The following GOLGA6D variants were observed in gnomAD, a reference collection of about 807,000 sequenced individuals.
GOLGA6D encodes golgin A6 family member D.
In GOLGA6D, 9 loss-of-function variants were observed where a neutral mutation model predicts 42.1. That is an observed-to-expected ratio of 0.21 (90% confidence interval 0.13 to 0.37). The LOEUF is 0.37. Ranked by LOEUF, GOLGA6D falls within the 10% of genes least tolerant of loss-of-function variation. The pLI is 1.00. For missense variants in GOLGA6D, 87 were observed against 420.8 expected (o/e 0.21, Z 6.94); for synonymous variants, 39 against 167.3 (o/e 0.23, Z 5.92).
chr15:75,277,715 G>A, the GOLGA6D span, among the ~76,000 whole-genome samples: 11 of 141,734 alleles, frequency 7.8e-5, no homozygotes, highest in South Asian at 4.5e-4. Context: ...CCAGCTACTC[G>A]GGAGGCTGAG....
At position 75,289,357 on chromosome 15, in the gene GOLGA6D, G is replaced by A. The variant is rs778783680; in HGVS notation, c.565-40G>A. 37 of 1,546,216 alleles carry A rather than the reference G, an allele frequency of 2.4e-5. 8 individuals carry two copies. The highest frequency in any genetic ancestry group is 2.2e-4 in the South Asian group (19 of 88,370). ...CTAGCCCTTTTAAGGGGCACTGCCC[G>A]AGCTCCCCAGATCAAAACTTCTCAC... On this transcript the variant is annotated intron_variant, in intron 7 of 17. Transcript: ENST00000434739.
chr15:75,283,093 TC>T (rs2070847691), intron 1 of GOLGA6D, 134 bp downstream of exon 1: 3 of 24,214 alleles, frequency 1.2e-4, no homozygotes, highest in East Asian at 5.9e-4. Flanking sequence ...GCCTCTGGAC[TC>T]CCCCCACCAA....
rs2070872761 is a variant in GOLGA6D, at chr15:75,289,599, A to G, written c.659A>G (p.Glu220Gly). 1 of 714,034 alleles carries G rather than the reference A, an allele frequency of 1.4e-6. No homozygotes were observed. Among genetic ancestry groups the G allele is most frequent in the Non-Finnish European group, 2.3e-6 (1 of 444,384 alleles). 44.2% of individuals were successfully genotyped at this position (714,034 alleles called of 1,614,324 possible). ...TGTGCCCATTTCTTGCAGGTGACAG[A>G]GTCACTAAAACAAGTCCAGCTAGAG... The part of the protein sequence containing the change: ...LLNAHVTQVT[E>G]SLKQVQLERD... The change falls in exon 9 of 18, where the codon GAG (glutamate) becomes GGG (glycine). Residue 220 changes from glutamate (E) to glycine (G), a missense_variant. Glu to Gly is a moderately conservative substitution (Grantham distance 98). Coordinates refer to ENST00000434739, the MANE Select transcript of GOLGA6D (RefSeq NM_001145224.3).
At chr15:75,277,740 C>T in the GOLGA6D span, among the ~76,000 whole-genome samples, 6 of 146,842 alleles carry the variant, frequency 4.1e-5, no homozygotes, top group Admixed American at 3.4e-4. Context: ...GAGGTCGAGG[C>T]TGCAGTGAGC....
intron 2 of GOLGA6D, among the ~76,000 whole-genome samples, chr15:75,285,004 ATTG>A (rs1345256368): frequency 1.4e-5 from 2 of 140,606 alleles, no homozygotes; most frequent in African/African-American, 5.7e-5. Flanking sequence ...GAGATTCCTT[ATTG>A]TTGTTGTTTT....
At chr15:75,289,338 C>G (rs2070870301) in intron 7 of GOLGA6D, 59 bp from the exon 8 acceptor site, 2 of 1,510,148 alleles carry the variant, frequency 1.3e-6, no homozygotes, top group African/African-American at 1.5e-5. Context: ...AGCCCTAGCC[C>G]TTTTAAGGGG....
chr15:75,288,335 G>C lies in GOLGA6D; in HGVS notation c.535G>C (p.Val179Leu). Reference sequence around the variant, plus strand: ...AGAATTGGAGCGGGCTCTCTGTGCTGTGTCTACACAGCAGCAGGAAGAGGA... The same window carrying C: ...AGAATTGGAGCGGGCTCTCTGTGCTCTGTCTACACAGCAGCAGGAAGAGGA... ...IQELERALCA[V>L]STQQQEEDRS... The change falls in exon 7 of 18, where the codon GTG becomes CTG. Residue 179 changes from valine (V) to leucine (L), a missense_variant. Physicochemically the swap from Val to Leu is conservative, Grantham distance 32. Transcript: ENST00000434739. 1 of 1,566,428 alleles carries C rather than the reference G, an allele frequency of 6.4e-7. No individual in the cohort carries two copies. Among genetic ancestry groups the C allele is most frequent in the Non-Finnish European group, 8.6e-7 (1 of 1,166,214 alleles).
chr15:75,278,689 A>C (rs1391024211), upstream of GOLGA6D, among the ~76,000 whole-genome samples: 1 of 151,824 alleles, frequency 6.6e-6, no homozygotes, highest in African/African-American at 2.4e-5. Context: ...AGGCAGCAGG[A>C]TCTTTAATAC....
Position 75,294,479 on chromosome 15 carries a change from C to T in GOLGA6D, c.*4C>T, listed in dbSNP as rs1292945961. 10 of 1,575,100 alleles carry T rather than the reference C, an allele frequency of 6.3e-6. 1 individual carries two copies. In the African/African-American group the frequency reaches 7.8e-5, roughly 12 times the overall value. On this transcript the variant is annotated 3_prime_UTR_variant, in exon 18 of 18. Transcript: ENST00000434739. ...TCCTGTCATGCAGGACACCTAGGAG[C>T]ACCCAGGCTTGCCCAGCAAACCCTG...
Position 75,293,844 on chromosome 15 carries a change from C to T in GOLGA6D, c.1696+13C>T, listed in dbSNP as rs1456754377. 3 of 1,608,558 alleles carry T rather than the reference C, an allele frequency of 1.9e-6. No individual in the cohort carries two copies. Among genetic ancestry groups the T allele is most frequent in the East Asian group, 2.2e-5 (1 of 44,496 alleles). On this transcript the variant is annotated intron_variant, in intron 15 of 17. Transcript: ENST00000434739. ...ACAGACGGCATGAGTGAGCGGGAGG[C>T]CAGGGCACGGGCATGGGGAGCTGCA...
chr15:75,293,449 T>C (rs2070883981), intron 14 of GOLGA6D, among the ~76,000 whole-genome samples: 2 of 146,300 alleles, frequency 1.4e-5, no homozygotes, highest in African/African-American at 2.7e-5. Context: ...TGGAGCCAGT[T>C]CCCAGGAGGA....
At chr15:75,288,746 TGTG>T (rs2070865777) in intron 7 of GOLGA6D, among the ~76,000 whole-genome samples, 5 of 138,596 alleles carry the variant, frequency 3.6e-5, no homozygotes, top group Non-Finnish European at 7.7e-5. Context: ...TGTGTGTGTG[TGTG>T]TGTACTATGA....
At chr15:75,277,730 G>A in the GOLGA6D span, among the ~76,000 whole-genome samples, 4 of 145,530 alleles carry the variant, frequency 2.7e-5, no homozygotes, top group Admixed American at 2.8e-4. Context: ...GCTGAGGTGG[G>A]AGGTCGAGGC....
At chr15:75,288,518 G>A (rs2070863855) in intron 7 of GOLGA6D, among the ~76,000 whole-genome samples, 154 bp downstream of exon 7, 1 of 140,450 alleles carries the variant, frequency 7.1e-6, no homozygotes, top group East Asian at 2.2e-4. Context: ...AGGCAGCCTG[G>A]GGCTAAGTCA....
upstream of GOLGA6D, among the ~76,000 whole-genome samples, chr15:75,278,653 G>A (rs1424912116): frequency 8.3e-3 from 1,253 of 150,706 alleles, 17 homozygotes; most frequent in African/African-American, 0.03. Flanking sequence ...TTGCTGTTGG[G>A]CCTCCCTTCC....
the GOLGA6D span, among the ~76,000 whole-genome samples, chr15:75,277,783 C>G: frequency 1.3e-5 from 2 of 149,398 alleles, no homozygotes; most frequent in Non-Finnish European, 2.9e-5. Context: ...GCCTGGGCGA[C>G]AGAGTGACAC....
At chr15:75,288,720 GGT>G (rs59539121) in intron 7 of GOLGA6D, among the ~76,000 whole-genome samples, 41,399 of 115,000 alleles carry the variant, frequency 0.36, 6,556 homozygotes, top group East Asian at 0.46. Context: ...AGAGGAAAGG[GGT>G]GTGTGTGTGT....
chr15:75,278,649 T>C (rs1384007830), upstream of GOLGA6D, among the ~76,000 whole-genome samples: 1 of 151,710 alleles, frequency 6.6e-6, no homozygotes, highest in African/African-American at 2.4e-5. Flanking sequence ...ACCCTTGCTG[T>C]TGGGCCTCCC....
chr15:75,288,385 C>T, intron 7 of GOLGA6D, 21 bp downstream of exon 7: 1 of 1,372,600 alleles, frequency 7.3e-7, no homozygotes, highest in East Asian at 2.5e-5. Context: ...CCAGCTGCCC[C>T]ATCCCCTGGC....
Sources: gnomAD v4.1 joint callset for allele counts (sites outside exome capture counted in the v4.1 genomes callset) on GRCh38, gnomAD v4.1.1 for gene constraint, MANE v1.5 for transcripts, NCBI Gene and HGNC (gene_info 2026-07-23, HGNC 2026-07-21) for gene names.